Variants in COL27A1 observed in about 807,000 individuals in gnomAD.
The protein encoded by COL27A1 is collagen alpha-1(XXVII) chain.
Under a neutral mutation model 251.3 loss-of-function variants are expected in COL27A1, and 106 were observed. The observed-to-expected ratio is 0.42, with a 90% confidence interval of 0.36 to 0.50. The LOEUF (loss-of-function observed/expected upper bound fraction) is 0.50. COL27A1 is among the 20% of genes least tolerant of loss of function. The pLI, the probability that COL27A1 is intolerant of heterozygous loss-of-function variation, is 0.00. For synonymous variants in COL27A1, 1,000 were observed against 986.3 expected, an observed-to-expected ratio of 1.01 and a Z score of -0.26; for missense variants, 2,325 against 2,522.8, an observed-to-expected ratio of 0.92 and a Z score of 1.68.
chr9:114,271,081 C>T (rs894915110), intron 36 of COL27A1: 19 of 414,562 alleles, frequency 4.6e-5, no homozygotes, highest in Middle Eastern at 6.0e-4. Flanking sequence ...ACCGGCACTA[C>T]GCCAGGCCCA....
At chr9:114,262,908 C>A (rs897440468) in intron 28 of COL27A1, among the ~76,000 whole-genome samples, 1 of 150,120 alleles carries the variant, frequency 6.7e-6, no homozygotes, top group African/African-American at 2.5e-5. Flanking sequence ...CTTTGTTGGC[C>A]CAATTATTCA....
At position 114,282,579 on chromosome 9, in the gene COL27A1, G is replaced by T; in HGVS notation, c.3879+15G>T. 2 of 1,467,480 alleles carry T rather than the reference G, an allele frequency of 1.4e-6. No individual in the cohort carries two copies. Among genetic ancestry groups the T allele is most frequent in the South Asian group, 2.6e-5 (2 of 76,178 alleles). The allele number at this position is 1,467,480 out of a possible 1,614,324, so 90.9% of individuals were successfully genotyped here. The stretch of plus-strand genomic sequence containing the variant: ...TGGGACCAACGGTGAGGACTCTCTG[G>T]CTGGGGTGGGGGAGTCAGATGTGGA... On this transcript the variant is annotated intron_variant, in intron 39 of 60. Coordinates refer to ENST00000356083, the MANE Select transcript of COL27A1 (RefSeq NM_032888.4).
intron 18 of COL27A1, among the ~76,000 whole-genome samples, 153 bp from the exon 19 acceptor site, chr9:114,237,509 A>G (rs905360964): frequency 6.6e-6 from 1 of 152,234 alleles, no homozygotes; most frequent in African/African-American, 2.4e-5. Flanking sequence ...CAGGAGGCAG[A>G]GTTTGAATGG....
chr9:114,246,045 C>T (rs1833109181), intron 24 of COL27A1, 135 bp downstream of exon 24: 15 of 698,052 alleles, frequency 2.1e-5, no homozygotes, highest in Non-Finnish European at 3.6e-5. Context: ...GTTCAGTCCT[C>T]TACCCCTTTC....
chr9:114,222,582 C>T (rs1831196755), intron 14 of COL27A1, among the ~76,000 whole-genome samples: 1 of 152,186 alleles, frequency 6.6e-6, no homozygotes, highest in Non-Finnish European at 1.5e-5. Flanking sequence ...TGCCAAAGCC[C>T]TTTCACACCT....
At chr9:114,221,392 C>T (rs200957347) in intron 13 of COL27A1, among the ~76,000 whole-genome samples, 2 of 152,146 alleles carry the variant, frequency 1.3e-5, no homozygotes, top group East Asian at 1.9e-4. Context: ...GTTTCCTTGG[C>T]GAGCGGCAGG....
At chr9:114,246,869 G>GAA (rs747281146) in intron 24 of COL27A1, among the ~76,000 whole-genome samples, 13 of 137,990 alleles carry the variant, frequency 9.4e-5, no homozygotes, top group African/African-American at 1.1e-4. Context: ...TTCCTGATTG[G>GAA]AAAAAAAAAA....
Position 114,284,792 on chromosome 9 carries a change from TG to T in COL27A1, c.3987+19del. On this transcript the variant is annotated intron_variant, in intron 41 of 60. Transcript: ENST00000356083. Reference sequence around the variant, plus strand: ...AAGGCGAAAAGGTGGGTGTTTGCTCTGGGGAAAGCAGCTGCACCCTCGTGTC... The same window carrying T: ...AAGGCGAAAAGGTGGGTGTTTGCTCTGGGAAAGCAGCTGCACCCTCGTGTC... 1 of 1,614,092 alleles carries T rather than the reference TG, an allele frequency of 6.2e-7. No individual in the cohort carries two copies. The highest frequency in any genetic ancestry group is 2.2e-5 in the East Asian group (1 of 44,886).
chr9:114,280,681 A>C (rs886444180), intron 37 of COL27A1, among the ~76,000 whole-genome samples: 1 of 151,568 alleles, frequency 6.6e-6, no homozygotes, highest in Non-Finnish European at 1.5e-5. Flanking sequence ...CCAGGGGTAC[A>C]TGTAGACTCA....
chr9:114,296,963 CTGTG>C (rs913613199), intron 49 of COL27A1, among the ~76,000 whole-genome samples: 3 of 152,142 alleles, frequency 2.0e-5, no homozygotes, highest in African/African-American at 7.2e-5. Context: ...ATAGTATAGA[CTGTG>C]TGATTTCATT....
At chr9:114,308,284 C>T (rs1829200003) in intron 59 of COL27A1, among the ~76,000 whole-genome samples, 1 of 152,206 alleles carries the variant, frequency 6.6e-6, no homozygotes, top group African/African-American at 2.4e-5. Flanking sequence ...GCTCCCTCGC[C>T]CAGGGATCCT....
chr9:114,185,732 C>T (rs575602178), intron 5 of COL27A1, among the ~76,000 whole-genome samples: 1 of 152,372 alleles, frequency 6.6e-6, no homozygotes, highest in East Asian at 1.9e-4. Flanking sequence ...CATCCTCCTT[C>T]AGTCAACAAA....
intron 27 of COL27A1, 32 bp from the exon 28 acceptor site, chr9:114,258,509 G>A: frequency 2.5e-6 from 4 of 1,603,668 alleles, no homozygotes; most frequent in Non-Finnish European, 3.4e-6. Context: ...TCCTAAAAAG[G>A]GGCCTCTCCA....
intron 4 of COL27A1, among the ~76,000 whole-genome samples, chr9:114,181,331 C>A (rs1172024617): frequency 6.6e-6 from 1 of 152,154 alleles, no homozygotes; most frequent in African/African-American, 2.4e-5. Context: ...TCCCCAGGCT[C>A]AGTGTGCTCT....
intron 49 of COL27A1, among the ~76,000 whole-genome samples, chr9:114,299,302 T>C (rs1828455919): frequency 6.6e-6 from 1 of 152,212 alleles, no homozygotes; most frequent in Non-Finnish European, 1.5e-5. Flanking sequence ...TAGGAGATTC[T>C]AATACATGGC....
chr9:114,178,359 A>C lies in COL27A1; in HGVS notation c.1962+15A>C, dbSNP rs1564433667. Reference sequence around the variant, plus strand: ...GTGGGCCTCGGGTGAGTTATCTCACACTGTCCTTTGGAACTCTTGGTGGCT... The same window carrying C: ...GTGGGCCTCGGGTGAGTTATCTCACCCTGTCCTTTGGAACTCTTGGTGGCT... On this transcript the variant is annotated intron_variant, in intron 4 of 60. Transcript: ENST00000356083. 2 of 1,612,982 alleles carry C rather than the reference A, an allele frequency of 1.2e-6. No individual in the cohort carries two copies. The highest frequency in any genetic ancestry group is 2.2e-5 in the South Asian group (2 of 90,972).
intron 12 of COL27A1, among the ~76,000 whole-genome samples, chr9:114,217,229 G>A (rs768954688): frequency 1.2e-4 from 18 of 152,176 alleles, no homozygotes; most frequent in Non-Finnish European, 2.2e-4. Flanking sequence ...TCTGATGACC[G>A]TCTCTCCCTT....
At chr9:114,288,399 T>G in intron 41 of COL27A1, 56 bp from the exon 42 acceptor site, 1 of 1,560,392 alleles carries the variant, frequency 6.4e-7, no homozygotes, top group East Asian at 2.3e-5. Flanking sequence ...CGTCTGGAAT[T>G]CCCCACATTC....
chr9:114,183,930 G>A (rs1322937698), intron 5 of COL27A1, among the ~76,000 whole-genome samples: 1 of 152,180 alleles, frequency 6.6e-6, no homozygotes. Context: ...CGGAGCTCTG[G>A]CAGAGGGCAA....
Sources: gnomAD v4.1 joint callset for allele counts (sites outside exome capture counted in the v4.1 genomes callset) on GRCh38, gnomAD v4.1.1 for gene constraint, MANE v1.5 for transcripts, NCBI Gene and HGNC (gene_info 2026-07-23, HGNC 2026-07-21) for gene names.